Variants in CFAP77 observed in about 807,000 individuals in gnomAD.
CFAP77 encodes cilia- and flagella-associated protein 77.
Under a neutral mutation model 31.1 loss-of-function variants are expected in CFAP77, and 25 were observed. That is an observed-to-expected ratio of 0.80 (90% CI 0.59 to 1.12). The LOEUF (loss-of-function observed/expected upper bound fraction) is 1.12, where lower values mean the gene tolerates loss of function less well. Ranked by LOEUF, CFAP77 falls within the 50% of genes most tolerant of loss-of-function variation. The pLI is 0.00. For missense variants in CFAP77, 377 were observed against 397.3 expected (o/e 0.95, Z 0.44); for synonymous variants, 151 against 159.9 (o/e 0.94, Z 0.42).
intron 1 of CFAP77, among the ~76,000 whole-genome samples, chr9:132,411,509 T>C (rs1850001078): frequency 6.6e-6 from 1 of 152,220 alleles, no homozygotes; most frequent in African/African-American, 2.4e-5. Flanking sequence ...GGAAGGATAC[T>C]GCCTAGGCGC....
chr9:132,432,677 A>T (rs1375901526), intron 1 of CFAP77, among the ~76,000 whole-genome samples: 1 of 151,444 alleles, frequency 6.6e-6, no homozygotes, highest in African/African-American at 2.4e-5. Flanking sequence ...GACTATAGGC[A>T]TGCGCCACCA....
At chr9:132,487,878 TC>T (rs1851589228) in intron 1 of CFAP77, among the ~76,000 whole-genome samples, 1 of 152,208 alleles carries the variant, frequency 6.6e-6, no homozygotes, top group Admixed American at 6.5e-5. Context: ...TAAATAAATA[TC>T]CTCTATGCTA....
At chr9:132,416,897 A>G (rs951627814) in intron 1 of CFAP77, among the ~76,000 whole-genome samples, 2 of 152,054 alleles carry the variant, frequency 1.3e-5, no homozygotes, top group African/African-American at 4.8e-5. Context: ...TCAGCCTTCC[A>G]AAGTGCTGGG....
At chr9:132,538,034 A>G (rs1451294941) in intron 4 of CFAP77, among the ~76,000 whole-genome samples, 1 of 152,112 alleles carries the variant, frequency 6.6e-6, no homozygotes, top group African/African-American at 2.4e-5. Context: ...CTCTGCACAC[A>G]CCCAAAATCA....
intron 5 of CFAP77, among the ~76,000 whole-genome samples, chr9:132,563,663 G>A (rs747033081): frequency 2.0e-5 from 3 of 152,334 alleles, no homozygotes; most frequent in Non-Finnish European, 2.9e-5. Context: ...TCGTTGGTTC[G>A]TAGGGTGTAC....
At chr9:132,487,884 A>G (rs952894862) in intron 1 of CFAP77, among the ~76,000 whole-genome samples, 1 of 152,198 alleles carries the variant, frequency 6.6e-6, no homozygotes, top group East Asian at 1.9e-4. Context: ...AATATCCTCT[A>G]TGCTAATAAT....
chr9:132,531,588 G>C (rs1470558335), intron 3 of CFAP77, among the ~76,000 whole-genome samples: 1 of 149,564 alleles, frequency 6.7e-6, no homozygotes, highest in African/African-American at 2.5e-5. Context: ...GAAGGGACCT[G>C]CGGCCCGGGC....
chr9:132,478,373 G>A (rs1461742499), intron 1 of CFAP77, among the ~76,000 whole-genome samples: 4 of 149,926 alleles, frequency 2.7e-5, no homozygotes, highest in Non-Finnish European at 5.9e-5. Context: ...TGAAGACGCG[G>A]CACTGGTTCC....
At chr9:132,514,070 AC>A (rs1313921059) in intron 3 of CFAP77, among the ~76,000 whole-genome samples, 1 of 62,928 alleles carries the variant, frequency 1.6e-5, no homozygotes, top group Non-Finnish European at 3.2e-5. Context: ...GTCCCTGACC[AC>A]AGGTGATGGT....
intron 5 of CFAP77, among the ~76,000 whole-genome samples, chr9:132,547,849 C>T (rs1195569081): frequency 6.6e-6 from 1 of 152,186 alleles, no homozygotes; most frequent in Non-Finnish European, 1.5e-5. Context: ...CAGAAACTTC[C>T]TCAGGGCTCT....
chr9:132,565,581 A>G lies in CFAP77; in HGVS notation c.733-6807A>G, dbSNP rs1200242856. Among the ~76,000 whole-genome samples, 1 of 152,016 alleles carries G rather than the reference A, an allele frequency of 6.6e-6. No individual in the cohort carries two copies. Among genetic ancestry groups the G allele is most frequent in the African/African-American group, 2.4e-5 (1 of 41,390 alleles). ...GGGAGGCAGAGTTTGCAGTGAGCTG[A>G]GATCACACCACTGCACTCCAGCCTG... On this transcript the variant is annotated intron_variant, in intron 5 of 5. Coordinates refer to ENST00000393216, the MANE Select transcript of CFAP77 (RefSeq NM_001282957.2). This position sits in a 1 kb window ranked among gnomAD's most constrained non-coding sequence, Gnocchi z 4.1.
At chr9:132,529,916 G>A (rs1002543612) in intron 3 of CFAP77, among the ~76,000 whole-genome samples, 7 of 152,054 alleles carry the variant, frequency 4.6e-5, no homozygotes, top group African/African-American at 1.7e-4. Flanking sequence ...CACCAGCAGT[G>A]CATGGGAGCT....
chr9:132,498,657 C>T lies in CFAP77; in HGVS notation c.196-38C>T. ...ATTACAATACATTTGGTCTGAGACT[C>T]CACTCCTCACCTCTGCTCTCTGTCC... On this transcript the variant is annotated intron_variant, in intron 1 of 5. Transcript: ENST00000393216. The surrounding 1 kb of genome is among the most constrained non-coding windows in gnomAD (Gnocchi z 4.2). The T allele has an allele frequency of 6.7e-7, 1 of 1,483,150 alleles. No homozygotes were observed. Among genetic ancestry groups the T allele is most frequent in the Non-Finnish European group, 9.3e-7 (1 of 1,071,220 alleles). The allele number at this position is 1,483,150 out of a possible 1,614,324, so 91.9% of individuals were successfully genotyped here.
intron 3 of CFAP77, 29 bp from the exon 4 acceptor site, chr9:132,537,572 C>A: frequency 6.4e-7 from 1 of 1,573,546 alleles, no homozygotes; most frequent in Non-Finnish European, 8.7e-7. Flanking sequence ...TCCGGGGCCT[C>A]AAGCTCTGTC....
At chr9:132,476,974 A>C (rs950314820) in intron 1 of CFAP77, among the ~76,000 whole-genome samples, 1 of 152,236 alleles carries the variant, frequency 6.6e-6, no homozygotes, top group African/African-American at 2.4e-5. Flanking sequence ...GTTTGGGGCC[A>C]GGAATGCATG....
chr9:132,509,967 C>T (rs1852003776), intron 3 of CFAP77, among the ~76,000 whole-genome samples: 1 of 152,304 alleles, frequency 6.6e-6, no homozygotes, highest in African/African-American at 2.4e-5. Flanking sequence ...AGCTTTGTCT[C>T]CAGAGCCAGG....
chr9:132,498,604 C>A lies in CFAP77; in HGVS notation c.196-91C>A. 1.0e-6 allele frequency: 1 copy of A among 960,368 alleles called. No homozygotes were observed. 59.5% of individuals were successfully genotyped at this position (960,368 alleles called of 1,614,324 possible). On this transcript the variant is annotated intron_variant, in intron 1 of 5. Coordinates refer to ENST00000393216, the MANE Select transcript of CFAP77 (RefSeq NM_001282957.2). This position sits in a 1 kb window ranked among gnomAD's most constrained non-coding sequence, Gnocchi z 4.2. Reference sequence around the variant, plus strand: ...GCCACGGCAGGGCCTGGGGGAAATGCAGGCATCTGGTGCCTCCCTGCTGCC... The same window carrying A: ...GCCACGGCAGGGCCTGGGGGAAATGAAGGCATCTGGTGCCTCCCTGCTGCC...
chr9:132,431,333 C>T lies in CFAP77; in HGVS notation c.195+20867C>T, dbSNP rs548868702. Among the ~76,000 whole-genome samples the T allele has an allele frequency of 5.9e-5, 9 of 152,276 alleles. No individual in the cohort carries two copies. In the South Asian group the frequency reaches 1.9e-3, roughly 32 times the overall value. On this transcript the variant is annotated intron_variant, in intron 1 of 5. Transcript: ENST00000393216. ...ATAATCCAGAGTCTCTACAATGGGT[C>T]AGTCACAATGTCCAAGGCACACCTC...
intron 1 of CFAP77, among the ~76,000 whole-genome samples, chr9:132,437,573 G>C (rs571252296): frequency 1.4e-5 from 2 of 144,594 alleles, no homozygotes; most frequent in Non-Finnish European, 3.0e-5. Context: ...GCAGTGACGC[G>C]ATCTCGGCTC....
Sources: gnomAD v4.1 joint callset for allele counts (sites outside exome capture counted in the v4.1 genomes callset) on GRCh38, gnomAD v4.1.1 for gene constraint, Gnocchi (gnomAD v3.1) non-coding constraint, MANE v1.5 for transcripts, NCBI Gene and HGNC (gene_info 2026-07-23, HGNC 2026-07-21) for gene names.